Variants in WWOX observed in about 807,000 individuals in gnomAD.
The protein encoded by WWOX is WW domain-containing oxidoreductase.
Under a neutral mutation model 46.2 loss-of-function variants are expected in WWOX, and 69 were observed. The observed-to-expected ratio is 1.49, with a 90% CI of 1.23 to 1.82. The LOEUF (loss-of-function observed/expected upper bound fraction) is 1.82, where lower values mean the gene tolerates loss of function less well. Ranked by LOEUF, WWOX falls within the 40% of genes most tolerant of loss-of-function variation. The probability of loss-of-function intolerance (pLI) is 0.00; values close to 1 mark genes in which losing one functional copy is unlikely to be tolerated. For synonymous variants in WWOX, 359 were observed against 202.6 expected (o/e 1.77, Z -6.56); for missense variants, 919 against 542.6 (o/e 1.69, Z -6.89).
intron 8 of WWOX, among the ~76,000 whole-genome samples, chr16:79,157,512 T>A (rs1401193493): frequency 6.6e-6 from 1 of 152,104 alleles, no homozygotes; most frequent in Non-Finnish European, 1.5e-5. Context: ...TTGAAGTCAA[T>A]CACATCTCTA....
rs919043829 is a variant in WWOX, at chr16:78,977,725, G to A, written c.1057-233883G>A. Among the ~76,000 whole-genome samples, 36 of 152,012 alleles carry A rather than the reference G, an allele frequency of 2.4e-4. 1 individual carries two copies. The highest frequency in any genetic ancestry group is 2.9e-5 in the Non-Finnish European group (2 of 67,984). ...ATCAGCAGGGGCAGGGGGTGCAGGG[G>A]GTGCCTGCAAGTCTGTGACCGTCCT... On this transcript the variant is annotated intron_variant, in intron 8 of 8. Coordinates refer to ENST00000566780, the MANE Select transcript of WWOX (RefSeq NM_016373.4).
chr16:79,005,638 C>T (rs1202730954), intron 8 of WWOX, among the ~76,000 whole-genome samples: 2 of 152,130 alleles, frequency 1.3e-5, no homozygotes, highest in African/African-American at 4.8e-5. Context: ...CACCATCTTC[C>T]TTGTCCATGT....
intron 8 of WWOX, among the ~76,000 whole-genome samples, chr16:79,114,139 C>G (rs533794114): frequency 3.4e-4 from 51 of 152,218 alleles, no homozygotes; most frequent in African/African-American, 1.1e-3. Flanking sequence ...CTACAGAGTT[C>G]ATGCTTTTAA....
In WWOX at chr16:78,299,608, G is replaced by T. The variant is rs550377063; in HGVS notation, c.517-87252G>T. 2.1e-3 allele frequency among the ~76,000 whole-genome samples: 311 copies of T among 151,128 alleles called. 3 individuals carry two copies. Among genetic ancestry groups the T allele is most frequent in the African/African-American group, 7.3e-3 (298 of 41,090 alleles). On this transcript the variant is annotated intron_variant, in intron 5 of 8. Transcript: ENST00000566780. ...ATTGGCAAGATCGTAGCTCACTGCAGCCTCCACTTCCTAAGCTCAAGTGAT... is the reference window on the plus strand; with the variant it reads ...ATTGGCAAGATCGTAGCTCACTGCATCCTCCACTTCCTAAGCTCAAGTGAT...
chr16:79,021,511 T>G (rs1003193092), intron 8 of WWOX, among the ~76,000 whole-genome samples: 4 of 152,212 alleles, frequency 2.6e-5, no homozygotes, highest in African/African-American at 9.6e-5. Context: ...ACAAATGTTC[T>G]TCCTTCTTAA....
intron 8 of WWOX, among the ~76,000 whole-genome samples, chr16:78,724,556 T>G (rs2048778941): frequency 6.6e-6 from 1 of 152,208 alleles, no homozygotes; most frequent in Admixed American, 6.5e-5. Flanking sequence ...ACAGTCCTTA[T>G]GTTATTTAGG....
At chr16:78,755,037 G>A (rs1172269903) in intron 8 of WWOX, among the ~76,000 whole-genome samples, 2 of 150,736 alleles carry the variant, frequency 1.3e-5, no homozygotes, top group Admixed American at 6.6e-5. Context: ...ATCACACACC[G>A]GGGCCTGTCT....
Position 78,694,646 on chromosome 16 carries a change from A to C in WWOX, c.1056+261894A>C, listed in dbSNP as rs903262428. Among the ~76,000 whole-genome samples, 12 of 152,214 alleles carry C rather than the reference A, an allele frequency of 7.9e-5. No homozygotes were observed. The East Asian group carries it at 2.3e-3, about 29-fold the overall frequency. ...AAAGGCATTCTGCATGCCCATGTAA[A>C]TACTGGAAATTACTGACATGGCCTT... On this transcript the variant is annotated intron_variant, in intron 8 of 8. Transcript: ENST00000566780.
At chr16:78,578,284 A>ATATATCTTT (rs1555567122) in intron 8 of WWOX, among the ~76,000 whole-genome samples, 1 of 20,842 alleles carries the variant, frequency 4.8e-5, no homozygotes, top group Non-Finnish European at 8.1e-5. Flanking sequence ...ATATATATAT[A>ATATATCTTT]TTTTTTTTTT....
chr16:78,351,401 G>C (rs771959626), intron 5 of WWOX, among the ~76,000 whole-genome samples: 1 of 152,170 alleles, frequency 6.6e-6, no homozygotes, highest in Non-Finnish European at 1.5e-5. Context: ...GACTGCATTG[G>C]TTTAGCCAGA....
intron 8 of WWOX, among the ~76,000 whole-genome samples, chr16:79,106,204 C>T (rs897788345): frequency 2.6e-5 from 4 of 152,214 alleles, no homozygotes; most frequent in African/African-American, 7.2e-5. Flanking sequence ...CAAGAGACTT[C>T]AGTGCCTGCT....
intron 8 of WWOX, among the ~76,000 whole-genome samples, chr16:79,011,446 TTTTTATTTTTTA>T (rs1232997407): frequency 6.8e-6 from 1 of 147,244 alleles, no homozygotes; most frequent in African/African-American, 2.5e-5. Context: ...AGTCTTCCTT[TTTTTATTTTTTA>T]TTTTATTTAT....
intron 8 of WWOX, among the ~76,000 whole-genome samples, chr16:78,736,183 G>C (rs761045987): frequency 6.6e-6 from 1 of 152,170 alleles, no homozygotes; most frequent in African/African-American, 2.4e-5. Context: ...TCTGGCTTCA[G>C]GTTTATCCTT....
chr16:78,443,981 G>A (rs1296181088), intron 8 of WWOX, among the ~76,000 whole-genome samples: 1 of 152,164 alleles, frequency 6.6e-6, no homozygotes, highest in African/African-American at 2.4e-5. Flanking sequence ...TGTTTCTTCT[G>A]TGAACAGTGA....
At chr16:78,953,785 C>T (rs932395464) in intron 8 of WWOX, among the ~76,000 whole-genome samples, 1 of 152,232 alleles carries the variant, frequency 6.6e-6, no homozygotes, top group Non-Finnish European at 1.5e-5. Context: ...TCTGTCTCAG[C>T]TCAGATTCTA....
At chr16:79,047,550 T>C (rs2048088445) in intron 8 of WWOX, among the ~76,000 whole-genome samples, 1 of 152,170 alleles carries the variant, frequency 6.6e-6, no homozygotes, top group African/African-American at 2.4e-5. Context: ...CCACCATGTG[T>C]ATCAGTGTCC....
At chr16:79,050,148 T>A (rs2048139426) in intron 8 of WWOX, among the ~76,000 whole-genome samples, 1 of 152,100 alleles carries the variant, frequency 6.6e-6, no homozygotes, top group African/African-American at 2.4e-5. Flanking sequence ...CAATCAGTAT[T>A]TACTTCTCAC....
rs1488619806 is a variant in WWOX at position 78,194,261 on chromosome 16, AG to A, written c.516+29974del. ...GACAGGTTTATTGGAACTGCTTGGT[AG>A]GTGATAGGTTTTTCTTTCTGTTTTT... is the stretch of plus-strand genomic sequence containing the variant. On this transcript the variant is annotated intron_variant, in intron 5 of 8. Transcript: ENST00000566780. 6.6e-5 allele frequency among the ~76,000 whole-genome samples: 10 copies of A among 152,116 alleles called. No homozygotes were observed. The South Asian group carries it at 1.9e-3, about 28-fold the overall frequency.
At chr16:78,853,645 G>C (rs1211688002) in intron 8 of WWOX, among the ~76,000 whole-genome samples, 1 of 152,072 alleles carries the variant, frequency 6.6e-6, no homozygotes, top group East Asian at 1.9e-4. Context: ...GCCTTTCCCT[G>C]GGTGGAGAAG....
Sources: gnomAD v4.1 joint callset for allele counts (sites outside exome capture counted in the v4.1 genomes callset) on GRCh38, gnomAD v4.1.1 for gene constraint, MANE v1.5 for transcripts, NCBI Gene and HGNC (gene_info 2026-07-23, HGNC 2026-07-21) for gene names.